The following ASCC3 variants were observed in gnomAD, a reference collection of about 807,000 sequenced individuals.
The protein encoded by ASCC3 is ASC-1 complex subunit P200.
In ASCC3, 158 loss-of-function variants were observed where a neutral mutation model predicts 256.3. The observed-to-expected ratio is 0.62, with a 90% confidence interval of 0.54 to 0.70. The LOEUF is 0.70. Ranked by LOEUF, ASCC3 falls within the 30% of genes least tolerant of loss-of-function variation. The pLI is 0.00. For synonymous variants in ASCC3, 948 were observed against 883.4 expected (o/e 1.07, Z -1.30); for missense variants, 2,259 against 2,626.0 (o/e 0.86, Z 3.05).
At position 100,864,115 on chromosome 6, in the gene ASCC3, G is replaced by T. The variant is rs777070209; in HGVS notation, c.190C>A (p.Gln64Lys). The change falls in exon 3 of 42, where the codon CAA becomes AAA. Residue 64 changes from glutamine (Q) to lysine (K), a missense_variant. Around this residue, in one of 2 missense-constraint regions of ASCC3, gnomAD observed 420 missense variants for 419.3 expected, o/e 1.00. Coordinates refer to ENST00000369162, the MANE Select transcript of ASCC3 (RefSeq NM_006828.4). ...TCTTTTAAGTCTTCATTTATACTTT[G>T]CATTTTACTCTTCTCCAGTTTTTCA... Reference protein sequence around the residue: ...LNEKLEKSKMQSINEDLKDIL... With the variant: ...LNEKLEKSKMKSINEDLKDIL... 6.3e-7 allele frequency: 1 copy of T among 1,596,386 alleles called. No individual in the cohort carries two copies. Among genetic ancestry groups the T allele is most frequent in the Non-Finnish European group, 8.6e-7 (1 of 1,168,874 alleles).
chr6:100,737,381 C>G (rs1209888624), intron 10 of ASCC3, among the ~76,000 whole-genome samples: 1 of 152,042 alleles, frequency 6.6e-6, no homozygotes, highest in Non-Finnish European at 1.5e-5. Flanking sequence ...GATGCTCTCC[C>G]TCCCTCACCC....
chr6:100,513,343 T>A (rs1773870560), intron 39 of ASCC3, among the ~76,000 whole-genome samples: 1 of 152,208 alleles, frequency 6.6e-6, no homozygotes, highest in African/African-American at 2.4e-5. Context: ...GAGCAGCTGT[T>A]GACTATATTA....
At chr6:100,745,527 C>T (rs1403717866) in intron 10 of ASCC3, among the ~76,000 whole-genome samples, 1 of 149,220 alleles carries the variant, frequency 6.7e-6, no homozygotes, top group Non-Finnish European at 1.5e-5. Context: ...CAAAAAACAA[C>T]AACAAGAAAA....
chr6:100,800,530 A>G (rs981683109), intron 5 of ASCC3, 26 bp from the exon 6 acceptor site: 14 of 1,509,770 alleles, frequency 9.3e-6, no homozygotes, highest in Non-Finnish European at 1.3e-5. Flanking sequence ...AAGAAACACA[A>G]TGTTTTATAA....
At chr6:100,730,787 TAC>T (rs1380492428) in intron 10 of ASCC3, among the ~76,000 whole-genome samples, 1 of 152,186 alleles carries the variant, frequency 6.6e-6, no homozygotes, top group Non-Finnish European at 1.5e-5. Context: ...CTTGGGACTC[TAC>T]AACAAATCAG....
chr6:100,561,279 C>G (rs1467549561), intron 36 of ASCC3, among the ~76,000 whole-genome samples: 1 of 152,006 alleles, frequency 6.6e-6, no homozygotes, highest in Non-Finnish European at 1.5e-5. Context: ...TTTAAAGAGC[C>G]TTAGGGGTCT....
At chr6:100,701,148 C>T (rs1386525064) in intron 13 of ASCC3, among the ~76,000 whole-genome samples, 1 of 152,130 alleles carries the variant, frequency 6.6e-6, no homozygotes, top group Non-Finnish European at 1.5e-5. Context: ...CATTCAACTC[C>T]TAAACCAGAA....
At chr6:100,513,021 T>C (rs1451793879) in intron 39 of ASCC3, 103 bp from the exon 40 acceptor site, 2 of 999,516 alleles carry the variant, frequency 2.0e-6, no homozygotes, top group African/African-American at 1.6e-5. Flanking sequence ...CCTTTTAATG[T>C]TGAGATTAAT....
chr6:100,787,441 A>G (rs1207482594), intron 8 of ASCC3, among the ~76,000 whole-genome samples: 1 of 152,152 alleles, frequency 6.6e-6, no homozygotes, highest in East Asian at 1.9e-4. Context: ...GGAGGGTTTG[A>G]TATTAAGATT....
At chr6:100,558,237 T>C (rs555743704) in intron 36 of ASCC3, among the ~76,000 whole-genome samples, 2 of 152,126 alleles carry the variant, frequency 1.3e-5, no homozygotes, top group African/African-American at 2.4e-5. Flanking sequence ...GATGTCCTGA[T>C]ATATATATTT....
intron 16 of ASCC3, among the ~76,000 whole-genome samples, chr6:100,659,495 C>T (rs1401847402): frequency 6.6e-6 from 1 of 151,306 alleles, no homozygotes; most frequent in African/African-American, 2.4e-5. Flanking sequence ...TATTTAAATA[C>T]CATTTACATC....
chr6:100,591,793 C>T (rs949319637), intron 34 of ASCC3, among the ~76,000 whole-genome samples: 10 of 151,814 alleles, frequency 6.6e-5, no homozygotes, highest in Non-Finnish European at 1.2e-4. Context: ...GATCCTGTTA[C>T]GGATTACCAT....
chr6:100,766,223 A>C (rs950650142), intron 10 of ASCC3, among the ~76,000 whole-genome samples: 1 of 152,198 alleles, frequency 6.6e-6, no homozygotes, highest in Non-Finnish European at 1.5e-5. Flanking sequence ...TAGTGCAATC[A>C]TTTTAAGATC....
In ASCC3 at chr6:100,776,426, G is replaced by A. The variant is rs538797569; in HGVS notation, c.1396-9081C>T. ...ACCAGAAACATTTTAAGTGTTACAAGCTTCATTCTACATCCACTTTATACA... is the reference window on the plus strand; with the variant it reads ...ACCAGAAACATTTTAAGTGTTACAAACTTCATTCTACATCCACTTTATACA... On this transcript the variant is annotated intron_variant, in intron 8 of 41. Transcript: ENST00000369162. Among the ~76,000 whole-genome samples, 8 of 152,112 alleles carry A rather than the reference G, an allele frequency of 5.3e-5. No homozygotes were observed. In the East Asian group the frequency reaches 1.5e-3, roughly 29 times the overall value.
At chr6:100,682,223 TATTC>T (rs71276576) in intron 13 of ASCC3, among the ~76,000 whole-genome samples, 11 of 151,466 alleles carry the variant, frequency 7.3e-5, no homozygotes, top group South Asian at 2.1e-4. Flanking sequence ...GTAATTTATT[TATTC>T]ATTCATTCAT....
chr6:100,673,195 A>G (rs1776840144), intron 14 of ASCC3, among the ~76,000 whole-genome samples: 1 of 152,098 alleles, frequency 6.6e-6, no homozygotes, highest in African/African-American at 2.4e-5. Flanking sequence ...CCTAATTAGA[A>G]AAAGATAAAT....
chr6:100,687,520 C>A (rs890039220), intron 13 of ASCC3, among the ~76,000 whole-genome samples: 8 of 151,756 alleles, frequency 5.3e-5, no homozygotes, highest in African/African-American at 1.9e-4. Flanking sequence ...CACCACCATG[C>A]CTGGCTAAAT....
rs1562161216 is a variant in ASCC3, at chr6:100,608,123, T to TACAC, written c.4786-1036_4786-1035insGTGT. 1.6e-5 allele frequency among the ~76,000 whole-genome samples: 2 copies of TACAC among 123,288 alleles called. 1 individual carries two copies. The highest frequency in any genetic ancestry group is 6.3e-5 in the African/African-American group (2 of 31,578). 80.9% of individuals were successfully genotyped at this position (123,288 alleles called of 152,430 possible). ...ACATATATATGTATATATATCTATA[T>TACAC]ATACATATATATGTATATATATCTA... On this transcript the variant is annotated intron_variant, in intron 30 of 41. Transcript: ENST00000369162.
intron 30 of ASCC3, 75 bp from the exon 31 acceptor site, chr6:100,607,163 A>T (rs1772937827): frequency 6.7e-7 from 1 of 1,481,698 alleles, no homozygotes; most frequent in East Asian, 2.4e-5. Flanking sequence ...TGTTTCAAAA[A>T]ACATTAATTT....
Sources: gnomAD v4.1 joint callset for allele counts (sites outside exome capture counted in the v4.1 genomes callset) on GRCh38, gnomAD v4.1.1 for gene constraint, gnomAD v4.1.1 regional missense constraint, MANE v1.5 for transcripts, NCBI Gene and HGNC (gene_info 2026-07-23, HGNC 2026-07-21) for gene names.